PLEKHG5: variants seen among roughly 807,000 people sequenced by gnomAD.
The protein encoded by PLEKHG5 is pleckstrin homology and RhoGEF domain containing G5, also known as pleckstrin homology domain-containing family G member 5.
A neutral mutation model predicts 103.8 loss-of-function variants in PLEKHG5; 52 were observed. The observed-to-expected ratio is 0.50, with a 90% CI of 0.40 to 0.63. The LOEUF (loss-of-function observed/expected upper bound fraction) is 0.63. Ranked by LOEUF, PLEKHG5 falls within the 30% of genes least tolerant of loss-of-function variation. The pLI is 0.00. For missense variants in PLEKHG5, 1,205 were observed against 1,347.6 expected (o/e 0.89, Z 1.66); for synonymous variants, 592 against 575.5 (o/e 1.03, Z -0.41).
chr1:6,475,075 C>T lies in PLEKHG5; in HGVS notation c.274G>A (p.Val92Ile), dbSNP rs371516662. The part of the protein sequence containing the change: ...DLNVDIETEI[V>I]PAMKKKSLGE... Reference sequence around the variant, plus strand: ...AGTGACTTCTTCTTCATGGCTGGGACGATCTCTGTCTCAATGTCCACATTC... The same window carrying T: ...AGTGACTTCTTCTTCATGGCTGGGATGATCTCTGTCTCAATGTCCACATTC... Residue 92 changes from valine (V) to isoleucine (I), a missense_variant, in exon 5 of 21, where the codon GTC becomes ATC. Transcript: ENST00000377728. 8.3e-5 allele frequency: 133 copies of T among 1,610,352 alleles called. No individual in the cohort carries two copies. Among genetic ancestry groups the T allele is most frequent in the Middle Eastern group, 4.9e-4 (3 of 6,062 alleles).
chr1:6,506,886 G>A (rs977519285), intron 1 of PLEKHG5, among the ~76,000 whole-genome samples: 14 of 152,096 alleles, frequency 9.2e-5, no homozygotes, highest in African/African-American at 3.1e-4. Flanking sequence ...AGATCATGTC[G>A]CCTACACCAA....
intron 1 of PLEKHG5, among the ~76,000 whole-genome samples, chr1:6,504,143 C>G (rs1638232578): frequency 6.6e-6 from 1 of 152,206 alleles, no homozygotes; most frequent in African/African-American, 2.4e-5. Flanking sequence ...AGCACCGTAC[C>G]TGCCTCAGGT....
chr1:6,512,427 A>T (rs1476304482), intron 1 of PLEKHG5, among the ~76,000 whole-genome samples: 3 of 152,084 alleles, frequency 2.0e-5, no homozygotes, highest in African/African-American at 7.2e-5. Flanking sequence ...CTTCGAGCCC[A>T]CTGGCATGGG....
At chr1:6,507,232 T>TG (rs1638350743) in intron 1 of PLEKHG5, among the ~76,000 whole-genome samples, 1 of 152,170 alleles carries the variant, frequency 6.6e-6, no homozygotes, top group African/African-American at 2.4e-5. Context: ...TCCCTGCGTG[T>TG]GTGGGCACTT....
chr1:6,497,048 GGCCCCC>G, upstream of PLEKHG5: 1 of 1,502,282 alleles, frequency 6.7e-7, no homozygotes, highest in Non-Finnish European at 8.8e-7. This position sits in a 1 kb window ranked among gnomAD's most constrained non-coding sequence, Gnocchi z 6.1. Context: ...CCCTGAATTT[GGCCCCC>G]TCCAAGCTGC....
At chr1:6,503,825 G>A (rs576183767) in intron 1 of PLEKHG5, among the ~76,000 whole-genome samples, 68 of 152,308 alleles carry the variant, frequency 4.5e-4, no homozygotes, top group South Asian at 1.2e-3. Context: ...CCAGAAGCAG[G>A]AGCCGCCTGC....
chr1:6,491,385 C>G lies in PLEKHG5; in HGVS notation c.-88+252G>C, dbSNP rs1439006272. On this transcript the variant is annotated intron_variant, in intron 1 of 20. Transcript: ENST00000377728. The surrounding 1 kb of genome is among the most constrained non-coding windows in gnomAD (Gnocchi z 4.1). ...GGGCCTATACTAGGGCAGCTCCTGG[C>G]TGGGCCAGGGATCCCCACGTCTTCA... Among the ~76,000 whole-genome samples the G allele has an allele frequency of 2.0e-5, 3 of 152,324 alleles. No homozygotes were observed. In the South Asian group the frequency reaches 6.2e-4, roughly 32 times the overall value.
Position 6,473,408 on chromosome 1 carries a change from G to T in PLEKHG5, c.638C>A (p.Ala213Glu). ...GGGGGGCTCCTGCCCGGGGATGCTC[G>T]CCTCCCCCAGGAACTCCGACATGTT... is the stretch of plus-strand genomic sequence containing the variant. ...RKNMSEFLGE[A>E]SIPGQEPPTP... is the part of the protein sequence containing the mutation. The change falls in exon 8 of 21, where the codon GCG becomes GAG. Residue 213 changes from alanine to glutamate, a missense_variant. Coordinates refer to ENST00000377728, the MANE Select transcript of PLEKHG5 (RefSeq NM_020631.6). 6.5e-7 allele frequency: 1 copy of T among 1,543,300 alleles called. No individual in the cohort carries two copies. Among genetic ancestry groups the T allele is most frequent in the Non-Finnish European group, 8.7e-7 (1 of 1,143,636 alleles).
rs779010647 is a variant in PLEKHG5, at chr1:6,519,484, A to C, written c.-204T>G. On this transcript the variant is annotated 5_prime_UTR_variant, in exon 1 of 22. Transcript: ENST00000377740. Reference sequence around the variant, plus strand: ...AGGCTGAGCCAGCTTCGAGGTGGAGACCCATGTTTTGTCAGGACTGAATTC... The same window carrying C: ...AGGCTGAGCCAGCTTCGAGGTGGAGCCCCATGTTTTGTCAGGACTGAATTC... 16 of 1,613,668 alleles carry C rather than the reference A, an allele frequency of 9.9e-6. No individual in the cohort carries two copies. In the South Asian group the frequency reaches 1.5e-4, roughly 16 times the overall value.
chr1:6,467,696 G>T, intron 20 of PLEKHG5, 124 bp from the exon 21 acceptor site: 2 of 1,457,300 alleles, frequency 1.4e-6, no homozygotes, highest in Non-Finnish European at 9.6e-7. Context: ...AGCCCCCTGC[G>T]CCCAGACACT....
chr1:6,512,793 C>T (rs544428036), intron 1 of PLEKHG5, among the ~76,000 whole-genome samples: 5 of 152,330 alleles, frequency 3.3e-5, no homozygotes, highest in African/African-American at 1.2e-4. Context: ...TCCCCGGGTT[C>T]AAATCCCAGC....
chr1:6,516,922 A>C (rs4908902), intron 1 of PLEKHG5, among the ~76,000 whole-genome samples: 31,316 of 140,588 alleles, frequency 0.22, 5,917 homozygotes, highest in African/African-American at 0.49. Flanking sequence ...ACACACACAC[A>C]CACATGTACA....
chr1:6,468,678 T>C (rs1644470613), intron 19 of PLEKHG5, 92 bp from the exon 20 acceptor site: 2 of 1,380,916 alleles, frequency 1.4e-6, no homozygotes, highest in Non-Finnish European at 2.0e-6. Context: ...GTTTATACCC[T>C]CTGCCCTCCT....
At chr1:6,502,661 C>T (rs550179702) in intron 1 of PLEKHG5, among the ~76,000 whole-genome samples, 3 of 152,314 alleles carry the variant, frequency 2.0e-5, no homozygotes, top group South Asian at 2.1e-4. Flanking sequence ...GGAACAGGAG[C>T]GGGGCTGCAG....
intron 1 of PLEKHG5, among the ~76,000 whole-genome samples, chr1:6,510,630 G>A (rs1219615176): frequency 6.6e-6 from 1 of 152,222 alleles, no homozygotes; most frequent in Admixed American, 6.5e-5. Flanking sequence ...TGGAGGCACA[G>A]GCTGAGAACC....
At position 6,515,383 on chromosome 1, in the gene PLEKHG5, C is replaced by T. The variant is rs537194518; in HGVS notation, c.-165+4062G>A. On this transcript the variant is annotated intron_variant, in intron 1 of 21. Transcript: ENST00000377740. ...TCTACTACAAATACCAAAAATTAGC[C>T]GGGTGTGGTGGCGGGCGCCTGTAGT... Among the ~76,000 whole-genome samples, 77 of 152,164 alleles carry T rather than the reference C, an allele frequency of 5.1e-4. 2 individuals are homozygous for T. In the East Asian group the frequency reaches 5.6e-3, roughly 11 times the overall value.
chr1:6,514,200 T>A (rs1191701280), intron 1 of PLEKHG5, among the ~76,000 whole-genome samples: 1 of 152,084 alleles, frequency 6.6e-6, no homozygotes, highest in Non-Finnish European at 1.5e-5. Flanking sequence ...GGCACTCAGC[T>A]GTGGTCCCAG....
At chr1:6,517,019 G>A (rs1240744687) in intron 1 of PLEKHG5, among the ~76,000 whole-genome samples, 3 of 150,860 alleles carry the variant, frequency 2.0e-5, no homozygotes, top group Non-Finnish European at 4.4e-5. Context: ...AAGCCAAGAC[G>A]GGTGGATCAC....
At chr1:6,511,481 C>T (rs183315097) in intron 1 of PLEKHG5, among the ~76,000 whole-genome samples, 7 of 152,340 alleles carry the variant, frequency 4.6e-5, no homozygotes, top group East Asian at 1.9e-4. Context: ...CTGGCAAGCC[C>T]GAGAGAAACG....
Sources: gnomAD v4.1 joint callset for allele counts (sites outside exome capture counted in the v4.1 genomes callset) on GRCh38, gnomAD v4.1.1 for gene constraint, Gnocchi (gnomAD v3.1) non-coding constraint, MANE v1.5 for transcripts, NCBI Gene and HGNC (gene_info 2026-07-23, HGNC 2026-07-21) for gene names.